The following CCNY variants were observed in gnomAD, a reference collection of about 807,000 sequenced individuals.
The protein encoded by CCNY is cyclin-Y.
Under a neutral mutation model 42.8 loss-of-function variants are expected in CCNY, and 19 were observed. The ratio of observed to expected loss-of-function variants is 0.44; its 90% CI spans 0.31 to 0.65. The LOEUF (loss-of-function observed/expected upper bound fraction) is 0.65, where lower values mean the gene tolerates loss of function less well. Among genes scored for constraint, CCNY ranks in the 30% least tolerant of loss-of-function variants. The pLI is 0.07. For missense variants in CCNY, 370 were observed against 437.3 expected, an observed-to-expected ratio of 0.85 and a Z score of 1.37; for synonymous variants, 165 against 162.7, an observed-to-expected ratio of 1.01 and a Z score of -0.11.
Position 35,412,860 on chromosome 10 carries a change from C to CAAAAAAAAAAAA in CCNY, c.155-70527_155-70516dup, listed in dbSNP as rs10558250. On this transcript the variant is annotated intron_variant, in intron 1 of 9. Coordinates refer to ENST00000374704, the MANE Select transcript of CCNY (RefSeq NM_145012.6). ...TGGGCGACAGAGCGAGACTCTGTCT[C>CAAAAAAAAAAAA]AAAAAAAAAAAAAAAAAAAAAAAAA... Among the ~76,000 whole-genome samples, 24 of 34,766 alleles carry CAAAAAAAAAAAA rather than the reference C, an allele frequency of 6.9e-4. 1 individual carries two copies. The highest frequency in any genetic ancestry group is 1.5e-3 in the African/African-American group (15 of 9,900). 22.8% of individuals were successfully genotyped at this position (34,766 alleles called of 152,430 possible).
chr10:35,434,849 T>C (rs1838493539), intron 1 of CCNY, among the ~76,000 whole-genome samples: 1 of 152,198 alleles, frequency 6.6e-6, no homozygotes, highest in Admixed American at 6.5e-5. Context: ...TCTCAGTTAT[T>C]TATTGCTTCT....
At chr10:35,492,766 T>C (rs1226657393) in intron 2 of CCNY, among the ~76,000 whole-genome samples, 2 of 152,246 alleles carry the variant, frequency 1.3e-5, no homozygotes, top group Non-Finnish European at 2.9e-5. Flanking sequence ...GTGGCAGTCT[T>C]CCCTGAGTAG....
At chr10:35,412,980 C>T (rs1837946653) in intron 1 of CCNY, among the ~76,000 whole-genome samples, 1 of 151,478 alleles carries the variant, frequency 6.6e-6, no homozygotes, top group African/African-American at 2.4e-5. Flanking sequence ...GGACTGCTTC[C>T]TGGGGGCCAT....
intron 3 of CCNY, among the ~76,000 whole-genome samples, chr10:35,310,418 G>C (rs938343160): frequency 6.6e-6 from 1 of 152,104 alleles, no homozygotes. Context: ...CTTTCTTTTG[G>C]ATATATACTA....
At chr10:35,360,144 A>G (rs1836650126) in intron 1 of CCNY, among the ~76,000 whole-genome samples, 2 of 152,188 alleles carry the variant, frequency 1.3e-5, no homozygotes, top group South Asian at 4.1e-4. Flanking sequence ...GAATTGCTGG[A>G]AGGACTGAAA....
At chr10:35,483,970 T>C (rs1443907862) in intron 2 of CCNY, among the ~76,000 whole-genome samples, 4 of 152,206 alleles carry the variant, frequency 2.6e-5, no homozygotes, top group Non-Finnish European at 5.9e-5. Flanking sequence ...ATAACAACCA[T>C]ATCTAAGTTT....
At chr10:35,260,894 C>G (rs556525020) in intron 3 of CCNY, among the ~76,000 whole-genome samples, 1 of 152,084 alleles carries the variant, frequency 6.6e-6, no homozygotes, top group Non-Finnish European at 1.5e-5. Context: ...GAAGATTGCT[C>G]AAAGCCAGAA....
chr10:35,553,307 T>C, intron 8 of CCNY, 122 bp downstream of exon 8: 1 of 911,694 alleles, frequency 1.1e-6, no homozygotes, highest in Non-Finnish European at 1.6e-6. Flanking sequence ...TGAATGTCTG[T>C]TGTGAGCTGT....
At chr10:35,272,647 C>T (rs962973144) in intron 3 of CCNY, among the ~76,000 whole-genome samples, 17 of 152,168 alleles carry the variant, frequency 1.1e-4, no homozygotes, top group African/African-American at 4.1e-4. Flanking sequence ...ATATGTACCA[C>T]ATTTTCTTTA....
intron 7 of CCNY, among the ~76,000 whole-genome samples, chr10:35,548,464 A>AT (rs1564454373): frequency 6.6e-6 from 1 of 151,694 alleles, no homozygotes. Context: ...TGCCCAGCTA[A>AT]TTTTTGTATT....
chr10:35,477,593 C>G (rs1185054485), intron 1 of CCNY, among the ~76,000 whole-genome samples: 1 of 151,900 alleles, frequency 6.6e-6, no homozygotes, highest in African/African-American at 2.4e-5. Context: ...AACAACCCTT[C>G]ATGCTAAAAA....
At chr10:35,295,957 C>T (rs1835465744) in intron 3 of CCNY, among the ~76,000 whole-genome samples, 2 of 152,072 alleles carry the variant, frequency 1.3e-5, no homozygotes, top group South Asian at 2.1e-4. Flanking sequence ...AGGCAGAAAT[C>T]AAGAAATATT....
intron 3 of CCNY, among the ~76,000 whole-genome samples, chr10:35,283,189 C>T (rs1253352135): frequency 6.6e-6 from 1 of 152,084 alleles, no homozygotes. Context: ...ATTGATGACA[C>T]TAGATGATAA....
intron 3 of CCNY, among the ~76,000 whole-genome samples, chr10:35,296,659 T>C (rs1053023589): frequency 6.6e-6 from 1 of 152,138 alleles, no homozygotes; most frequent in African/African-American, 2.4e-5. Flanking sequence ...TACCACCATC[T>C]GCACAGAAAT....
At chr10:35,386,644 C>T (rs1473487991) in intron 1 of CCNY, among the ~76,000 whole-genome samples, 1 of 152,106 alleles carries the variant, frequency 6.6e-6, no homozygotes, top group South Asian at 2.1e-4. Flanking sequence ...TGTGTGAGCT[C>T]ATCTTGCAGT....
intron 3 of CCNY, among the ~76,000 whole-genome samples, chr10:35,322,782 G>A (rs1288090566): frequency 6.6e-6 from 1 of 152,158 alleles, no homozygotes; most frequent in African/African-American, 2.4e-5. Context: ...AAACCACAGT[G>A]AGATACCACT....
chr10:35,550,363 T>TA (rs981327387), intron 7 of CCNY, among the ~76,000 whole-genome samples: 2 of 152,198 alleles, frequency 1.3e-5, no homozygotes, highest in Non-Finnish European at 2.9e-5. Context: ...CTCATGACCT[T>TA]ACACTGCTCA....
At chr10:35,355,026 T>C (rs755254680) in intron 1 of CCNY, among the ~76,000 whole-genome samples, 7 of 152,212 alleles carry the variant, frequency 4.6e-5, no homozygotes, top group African/African-American at 7.2e-5. Context: ...GGGAAGAATT[T>C]CTGTGTCCCA....
intron 4 of CCNY, among the ~76,000 whole-genome samples, chr10:35,524,984 T>C (rs958086214): frequency 6.6e-6 from 1 of 152,248 alleles, no homozygotes; most frequent in African/African-American, 2.4e-5. Flanking sequence ...TTATAGGATG[T>C]ATCCTTGTGG....
Sources: allele counts gnomAD v4.1 joint callset (sites outside exome capture counted in the v4.1 genomes callset), GRCh38; gene constraint gnomAD v4.1.1; transcripts MANE v1.5; gene names NCBI Gene and HGNC (gene_info 2026-07-23, HGNC 2026-07-21).